Variants in LRRC7 observed in about 807,000 individuals in gnomAD.
LRRC7 encodes the protein leucine rich repeat containing 7, also known as leucine-rich repeat-containing protein 7.
A neutral mutation model predicts 175.7 loss-of-function variants in LRRC7; 23 were observed. The ratio of observed to expected loss-of-function variants is 0.13; its 90% CI spans 0.09 to 0.19. The LOEUF (loss-of-function observed/expected upper bound fraction) is 0.19. Ranked by LOEUF, LRRC7 falls within the 10% of genes least tolerant of loss-of-function variation. The pLI, the probability that LRRC7 is intolerant of heterozygous loss-of-function variation, is 1.00. For missense variants in LRRC7, 1,354 were observed against 1,904.7 expected (o/e 0.71, Z 5.38); for synonymous variants, 685 against 680.9 (o/e 1.01, Z -0.09).
At chr1:69,980,503 G>A (rs752548614) in intron 9 of LRRC7, 50 bp downstream of exon 9, 9 of 1,358,960 alleles carry the variant, frequency 6.6e-6, no homozygotes, top group Non-Finnish European at 9.3e-6. Flanking sequence ...TTATACGTTT[G>A]TTGTATTTGA....
At chr1:69,780,280 T>C (rs1673336145) in intron 3 of LRRC7, among the ~76,000 whole-genome samples, 1 of 152,224 alleles carries the variant, frequency 6.6e-6, no homozygotes. Context: ...GATATTTCTT[T>C]GGGAATAAAA....
At chr1:69,829,739 T>C (rs531468154) in intron 5 of LRRC7, among the ~76,000 whole-genome samples, 38 of 151,928 alleles carry the variant, frequency 2.5e-4, no homozygotes, top group South Asian at 1.4e-3. Context: ...ATCATTTCAT[T>C]ATTGAGAGTT....
At chr1:69,688,834 A>G (rs1661504928) in intron 2 of LRRC7, among the ~76,000 whole-genome samples, 1 of 152,150 alleles carries the variant, frequency 6.6e-6, no homozygotes, top group Non-Finnish European at 1.5e-5. Context: ...GTAATCTCAG[A>G]TTTTGTATTT....
intron 3 of LRRC7, among the ~76,000 whole-genome samples, chr1:69,761,844 A>G (rs1180787433): frequency 6.6e-6 from 1 of 152,016 alleles, no homozygotes; most frequent in Non-Finnish European, 1.5e-5. Flanking sequence ...AATGCAGAGA[A>G]CTTCATATGC....
intron 26 of LRRC7, among the ~76,000 whole-genome samples, chr1:70,118,028 G>T (rs1010110968): frequency 2.4e-4 from 37 of 151,048 alleles, no homozygotes; most frequent in African/African-American, 8.5e-4. Context: ...ACATTGCACA[G>T]TACCACCATT....
At chr1:69,830,422 T>C (rs576160601) in intron 5 of LRRC7, among the ~76,000 whole-genome samples, 1 of 151,986 alleles carries the variant, frequency 6.6e-6, no homozygotes, top group African/African-American at 2.4e-5. Flanking sequence ...TTGAATATCT[T>C]TTCTGGCAGA....
At chr1:70,012,895 G>T (rs1193377987) in intron 12 of LRRC7, 79 bp from the exon 13 acceptor site, 5 of 680,842 alleles carry the variant, frequency 7.3e-6, no homozygotes, top group African/African-American at 1.9e-5. Flanking sequence ...CTACTAAATT[G>T]TTTTAAAAAT....
At chr1:69,709,852 A>C (rs1030987659) in intron 2 of LRRC7, among the ~76,000 whole-genome samples, 2 of 152,210 alleles carry the variant, frequency 1.3e-5, no homozygotes, top group African/African-American at 4.8e-5. Flanking sequence ...TATAGGAAGC[A>C]AGATTTTTTA....
chr1:69,646,307 G>A lies in LRRC7; in HGVS notation c.3-32074G>A, dbSNP rs1655003056. 2.0e-5 allele frequency among the ~76,000 whole-genome samples: 3 copies of A among 151,940 alleles called. No individual in the cohort carries two copies. The South Asian group carries it at 6.2e-4, about 31-fold the overall frequency. ...AGAGTCTGATGAGTATCTTTGCATA[G>A]ATTTCTACTTAAGCCATTGTTTACA... On this transcript the variant is annotated intron_variant, in intron 1 of 26. Coordinates refer to ENST00000651989, the MANE Select transcript of LRRC7 (RefSeq NM_001370785.2).
At chr1:70,082,053 A>T (rs1252532544) in intron 24 of LRRC7, among the ~76,000 whole-genome samples, 1 of 152,216 alleles carries the variant, frequency 6.6e-6, no homozygotes, top group South Asian at 2.1e-4. Context: ...TGGAATACAT[A>T]AAACAGTTAG....
At chr1:69,832,666 A>G (rs1680658775) in intron 5 of LRRC7, among the ~76,000 whole-genome samples, 1 of 152,194 alleles carries the variant, frequency 6.6e-6, no homozygotes, top group Non-Finnish European at 1.5e-5. Context: ...AAATTTGGCT[A>G]CATCTAGTAA....
rs773638526 is a variant in LRRC7, at chr1:70,028,479, A to G, written c.1995+108A>G. The G allele has an allele frequency of 9.6e-6, 9 of 934,816 alleles. No individual in the cohort carries two copies. In the African/African-American group the frequency reaches 1.2e-4, roughly 12 times the overall value. The allele number at this position is 934,816 out of a possible 1,614,324, so 57.9% of individuals were successfully genotyped here. On this transcript the variant is annotated intron_variant, in intron 18 of 26. Transcript: ENST00000651989. ...CTTGATAAGTGCATTTTTTTCCTAA[A>G]ATATAAATGATCTCTCTACTTTTTC... is the stretch of plus-strand genomic sequence containing the variant.
intron 2 of LRRC7, among the ~76,000 whole-genome samples, chr1:69,722,431 G>A (rs1273729299): frequency 6.6e-6 from 1 of 151,964 alleles, no homozygotes; most frequent in African/African-American, 2.4e-5. Flanking sequence ...ACAATGGTAT[G>A]CCTTTTTGTA....
At chr1:69,906,415 C>T (rs1646313435) in intron 7 of LRRC7, among the ~76,000 whole-genome samples, 1 of 152,154 alleles carries the variant, frequency 6.6e-6, no homozygotes, top group Non-Finnish European at 1.5e-5. Context: ...AGTCTTCAAT[C>T]CATCTTGAAT....
intron 1 of LRRC7, 71 bp downstream of exon 1, chr1:69,568,712 G>A (rs879480040): frequency 1.9e-5 from 23 of 1,209,120 alleles, no homozygotes; most frequent in Non-Finnish European, 2.4e-5. Context: ...GTAGGCGCGC[G>A]AGGTGTGGGA....
intron 24 of LRRC7, among the ~76,000 whole-genome samples, chr1:70,078,806 G>A (rs1317830883): frequency 0.021 from 2,249 of 109,264 alleles, 61 homozygotes; most frequent in African/African-American, 0.095. Context: ...GCGCGCGCGC[G>A]CGCGCACACA....
At chr1:69,666,205 G>A (rs1208860044) in intron 1 of LRRC7, among the ~76,000 whole-genome samples, 1 of 152,060 alleles carries the variant, frequency 6.6e-6, no homozygotes, top group Non-Finnish European at 1.5e-5. Flanking sequence ...TCTTTTTAAT[G>A]TATAGTTGAA....
chr1:69,591,428 C>T (rs899119146), intron 1 of LRRC7, among the ~76,000 whole-genome samples: 3 of 151,896 alleles, frequency 2.0e-5, no homozygotes, highest in African/African-American at 4.8e-5. Flanking sequence ...TCATAGATGT[C>T]AAGAGGAAAA....
At chr1:69,884,568 C>T (rs1030093266) in intron 7 of LRRC7, among the ~76,000 whole-genome samples, 1 of 138,682 alleles carries the variant, frequency 7.2e-6, no homozygotes, top group South Asian at 2.3e-4. Flanking sequence ...CAAACAGGGA[C>T]AATTTGACTT....
Sources: allele counts gnomAD v4.1 joint callset (sites outside exome capture counted in the v4.1 genomes callset), GRCh38; gene constraint gnomAD v4.1.1; transcripts MANE v1.5; gene names NCBI Gene and HGNC (gene_info 2026-07-23, HGNC 2026-07-21).